The following MIPEP variants were observed in gnomAD, a reference collection of about 807,000 sequenced individuals.
MIPEP encodes the protein mitochondrial intermediate peptidase.
A neutral mutation model predicts 90.3 loss-of-function variants in MIPEP; 79 were observed. That is an observed-to-expected ratio of 0.87 (90% CI 0.73 to 1.05). The LOEUF (loss-of-function observed/expected upper bound fraction) is 1.05. MIPEP is among the 50% of genes least tolerant of loss of function. MIPEP has a pLI of 0.00. For synonymous variants in MIPEP, 334 were observed against 315.8 expected (o/e 1.06, Z -0.61); for missense variants, 940 against 905.6 (o/e 1.04, Z -0.49).
chr13:23,864,244 ATC>A, intron 7 of MIPEP, 55 bp from the exon 8 acceptor site: 1 of 1,176,482 alleles, frequency 8.5e-7, no homozygotes, highest in Non-Finnish European at 1.2e-6. Context: ...AAATGAACAT[ATC>A]TGTTAAAATT....
intron 18 of MIPEP, among the ~76,000 whole-genome samples, chr13:23,732,625 C>G (rs1391175721): frequency 6.6e-6 from 1 of 152,152 alleles, no homozygotes; most frequent in African/African-American, 2.4e-5. Flanking sequence ...ACAAACGGAT[C>G]TCAAAAACAT....
intron 17 of MIPEP, among the ~76,000 whole-genome samples, chr13:23,758,501 T>C (rs1952508925): frequency 1.3e-5 from 2 of 152,246 alleles, no homozygotes; most frequent in Admixed American, 1.3e-4. Flanking sequence ...TGTACTTTTC[T>C]AGTAAAGTAT....
intron 16 of MIPEP, among the ~76,000 whole-genome samples, chr13:23,781,859 G>A (rs1052684976): frequency 6.6e-5 from 10 of 152,282 alleles, no homozygotes; most frequent in African/African-American, 2.4e-4. Context: ...AGACAAGGAA[G>A]GCCACTACAT....
intron 16 of MIPEP, among the ~76,000 whole-genome samples, chr13:23,770,777 C>T (rs1952640961): frequency 6.6e-6 from 1 of 152,166 alleles, no homozygotes; most frequent in Non-Finnish European, 1.5e-5. Flanking sequence ...GGGGGTAGAA[C>T]ACACGAGTTT....
intron 14 of MIPEP, among the ~76,000 whole-genome samples, chr13:23,830,234 C>T (rs1358369348): frequency 6.6e-6 from 1 of 152,160 alleles, no homozygotes; most frequent in Admixed American, 6.5e-5. Context: ...ATATTATCTG[C>T]AATTGAAATA....
chr13:23,767,941 G>A (rs958043985), intron 16 of MIPEP, among the ~76,000 whole-genome samples: 4 of 152,198 alleles, frequency 2.6e-5, no homozygotes, highest in South Asian at 2.1e-4. Context: ...CAGGACTCTC[G>A]ATTGCTGTGG....
At chr13:23,810,798 C>CA (rs1272224269) in intron 14 of MIPEP, among the ~76,000 whole-genome samples, 2 of 152,190 alleles carry the variant, frequency 1.3e-5, no homozygotes, top group Non-Finnish European at 2.9e-5. Flanking sequence ...GTCTACTCGG[C>CA]AGACACTCAG....
chr13:23,855,850 G>A (rs1186218911), intron 10 of MIPEP, among the ~76,000 whole-genome samples: 1 of 152,124 alleles, frequency 6.6e-6, no homozygotes, highest in Non-Finnish European at 1.5e-5. Context: ...TGGATATCTG[G>A]CAGACTACAT....
chr13:23,888,860 AAC>A (rs1871653831), intron 1 of MIPEP: 1 of 629,012 alleles, frequency 1.6e-6, no homozygotes, highest in African/African-American at 1.9e-5. Context: ...CCACTGCCAG[AAC>A]GAACTATTCA....
At chr13:23,732,023 G>T (rs1405238020) in intron 18 of MIPEP, among the ~76,000 whole-genome samples, 1 of 142,048 alleles carries the variant, frequency 7.0e-6, no homozygotes, top group Non-Finnish European at 1.5e-5. Context: ...TGTTGTCCAG[G>T]CCTGGACAAC....
chr13:23,742,321 GTT>G (rs2138490775), intron 18 of MIPEP, among the ~76,000 whole-genome samples: 1 of 152,192 alleles, frequency 6.6e-6, no homozygotes, highest in African/African-American at 2.4e-5. Context: ...TAGAGCAAGG[GTT>G]TAGTAAGAGA....
At chr13:23,817,872 A>C (rs184518748) in intron 14 of MIPEP, among the ~76,000 whole-genome samples, 5 of 152,334 alleles carry the variant, frequency 3.3e-5, no homozygotes, top group Admixed American at 3.3e-4. Context: ...TGAACACTTA[A>C]TAACTCAATA....
At chr13:23,857,865 A>G (rs761703666) in intron 10 of MIPEP, among the ~76,000 whole-genome samples, 7 of 152,202 alleles carry the variant, frequency 4.6e-5, no homozygotes, top group Non-Finnish European at 1.0e-4. Context: ...CTTATTTTGG[A>G]GAAGTACCTA....
intron 5 of MIPEP, among the ~76,000 whole-genome samples, chr13:23,874,466 C>T (rs183580195): frequency 7.6e-4 from 115 of 152,248 alleles, no homozygotes; most frequent in Non-Finnish European, 1.3e-3. Context: ...GTCAAACACA[C>T]GTATAATATA....
At chr13:23,878,087 G>A (rs1192656455) in intron 4 of MIPEP, among the ~76,000 whole-genome samples, 2 of 152,132 alleles carry the variant, frequency 1.3e-5, no homozygotes, top group East Asian at 1.9e-4. Flanking sequence ...GGGGCATGTC[G>A]ATCTTCAGTA....
rs980497153 is a variant in MIPEP, at chr13:23,760,652, C to T, written c.1849-435G>A. On this transcript the variant is annotated intron_variant, in intron 16 of 18. Coordinates refer to ENST00000382172, the MANE Select transcript of MIPEP (RefSeq NM_005932.4). Reference sequence around the variant, plus strand: ...CTGCTGACACCTTGGTCTGGACTTCCAGCCTCCAAAACAGTGGGAAGTAAA... The same window carrying T: ...CTGCTGACACCTTGGTCTGGACTTCTAGCCTCCAAAACAGTGGGAAGTAAA... 53 of 490,748 alleles carry T rather than the reference C, an allele frequency of 1.1e-4. No individual in the cohort carries two copies. The East Asian group carries it at 3.1e-3, about 28-fold the overall frequency. 30.4% of individuals were successfully genotyped at this position (490,748 alleles called of 1,614,324 possible). A position where few individuals can be genotyped will look rare whatever the true frequency, so the allele number is the denominator to read the frequency against.
At chr13:23,731,934 A>G (rs1355080702) in intron 18 of MIPEP, among the ~76,000 whole-genome samples, 2 of 150,356 alleles carry the variant, frequency 1.3e-5, no homozygotes, top group Non-Finnish European at 3.0e-5. Context: ...CAAACCCACA[A>G]TGAGATACTA....
At chr13:23,730,507 CAA>C in intron 18 of MIPEP, 62 bp from the exon 19 acceptor site, 1 of 1,097,884 alleles carries the variant, frequency 9.1e-7, no homozygotes, top group Non-Finnish European at 1.4e-6. Flanking sequence ...CACAAAGACA[CAA>C]AATCAAATCC....
intron 10 of MIPEP, among the ~76,000 whole-genome samples, chr13:23,858,436 G>A (rs1039745379): frequency 1.4e-5 from 2 of 138,400 alleles, no homozygotes; most frequent in African/African-American, 2.8e-5. Flanking sequence ...GAGCGCCACT[G>A]CACTCCAGCC....
Sources: gnomAD v4.1 joint callset for allele counts (sites outside exome capture counted in the v4.1 genomes callset) on GRCh38, gnomAD v4.1.1 for gene constraint, MANE v1.5 for transcripts, NCBI Gene and HGNC (gene_info 2026-07-23, HGNC 2026-07-21) for gene names.